Variants in INF2 observed in about 807,000 individuals in gnomAD.
INF2 encodes inverted formin-2.
Under a neutral mutation model 123.5 loss-of-function variants are expected in INF2, and 43 were observed. The ratio of observed to expected loss-of-function variants is 0.35; its 90% CI spans 0.27 to 0.45. The LOEUF is 0.45. Ranked by LOEUF, INF2 falls within the 20% of genes least tolerant of loss-of-function variation. The probability of loss-of-function intolerance (pLI) is 1.00; values close to 1 mark genes in which losing one functional copy is unlikely to be tolerated. For missense variants in INF2, 1,453 were observed against 1,682.7 expected (o/e 0.86, Z 2.39); for synonymous variants, 851 against 745.0 (o/e 1.14, Z -2.32).
chr14:104,714,882 C>A, intron 21 of INF2, 26 bp downstream of exon 21: 1 of 1,503,932 alleles, frequency 6.6e-7, no homozygotes, highest in Non-Finnish European at 8.8e-7. Context: ...GCCCCGGGCA[C>A]CGTCCCACGC....
At chr14:104,701,854 G>A (rs1889523498) in intron 2 of INF2, 98 bp downstream of exon 2, 1 of 1,329,754 alleles carries the variant, frequency 7.5e-7, no homozygotes, top group Non-Finnish European at 9.9e-7. Context: ...GAACCACCAG[G>A]AGGAAGCGCA....
upstream of INF2, chr14:104,689,205 C>T (rs571963961): frequency 6.8e-5 from 67 of 985,258 alleles, no homozygotes; most frequent in Non-Finnish European, 7.7e-5. Flanking sequence ...ACTCCGGATC[C>T]GGCTGGCTGG....
Position 104,699,667 on chromosome 14 carries a change from C to T in INF2, c.-9-1690C>T, listed in dbSNP as rs1013703328. 3.0e-5 allele frequency: 25 copies of T among 837,748 alleles called. No homozygotes were observed. Among genetic ancestry groups the T allele is most frequent in the Non-Finnish European group, 3.4e-5 (24 of 695,680 alleles). The allele number at this position is 837,748 out of a possible 1,614,324, so 51.9% of individuals were successfully genotyped here. A position where few individuals can be genotyped will look rare whatever the true frequency, so the allele number is the denominator to read the frequency against. On this transcript the variant is annotated intron_variant, in intron 1 of 22. Coordinates refer to ENST00000392634, the MANE Select transcript of INF2 (RefSeq NM_022489.4). This position sits in a 1 kb window ranked among gnomAD's most constrained non-coding sequence, Gnocchi z 4.7. ...AGGGTGGCTTAAAACCACAGTGCAC[C>T]GGGGGCTCCGGGCTCTCCGTTCTAC...
At position 104,709,392 on chromosome 14, in the gene INF2, ACCACCCCCACACC is replaced by A; in HGVS notation, c.2052+19_2052+31del. On this transcript the variant is annotated intron_variant, in intron 11 of 22. Transcript: ENST00000392634. ...TTCCCGAGAAGCACGAGGTAAGAGG[ACCACCCCCACACC>A]CCACCCCCAGTTAGTGCCACCAACC... is the stretch of plus-strand genomic sequence containing the variant. 6.3e-7 allele frequency: 1 copy of A among 1,599,172 alleles called. No homozygotes were observed. Among genetic ancestry groups the A allele is most frequent in the Non-Finnish European group, 8.6e-7 (1 of 1,167,460 alleles).
Position 104,708,422 on chromosome 14 carries a change from T to G in INF2, c.1736-14T>G. 1.9e-6 allele frequency: 3 copies of G among 1,610,782 alleles called. No homozygotes were observed. The highest frequency in any genetic ancestry group is 2.5e-6 in the Non-Finnish European group (3 of 1,179,452). ...GGCTGCGAGAGCCTCACTGGCCGTG[T>G]CCCCACCCGACAGAGCACAACTCTA... On this transcript the variant is annotated splice_polypyrimidine_tract_variant and intron_variant, in intron 8 of 22. Coordinates refer to ENST00000392634, the MANE Select transcript of INF2 (RefSeq NM_022489.4).
chr14:104,696,885 T>G (rs999523531), intron 1 of INF2, among the ~76,000 whole-genome samples: 1 of 151,786 alleles, frequency 6.6e-6, no homozygotes, highest in Admixed American at 6.6e-5. Flanking sequence ...CCCAGCCCTG[T>G]GCCAGTGCCA....
At position 104,721,910 on chromosome 14, in the gene INF2, A is replaced by G. The variant is rs1314177844; in HGVS notation, c.*3117A>G. 1 of 152,322 alleles carries G rather than the reference A, an allele frequency of 6.6e-6. No homozygotes were observed. The highest frequency in any genetic ancestry group is 1.5e-5 in the Non-Finnish European group (1 of 68,132). 9.4% of individuals were successfully genotyped at this position (152,322 alleles called of 1,614,324 possible). ...CGAGGCTCCGTGGCTGCACGCGTGT[A>G]TGCAGGTGGCTGTGGGTGTCTGTGT... On this transcript the variant is annotated 3_prime_UTR_variant, in exon 23 of 23. Transcript: ENST00000392634.
In INF2 at chr14:104,684,294, C is replaced by A. The variant is rs1888607902; in HGVS notation, c.-104+2712C>A. On this transcript the variant is annotated intron_variant, in intron 1 of 2. Transcript: ENST00000674723. The surrounding 1 kb of genome is among the most constrained non-coding windows in gnomAD (Gnocchi z 5.0). ...GGAGGTGGACTGCGTCTCCCGAGGG[C>A]CAGCACTGGCTTAGCCTGCTCAGTG... 2 of 378,860 alleles carry A rather than the reference C, an allele frequency of 5.3e-6. No individual in the cohort carries two copies. Among genetic ancestry groups the A allele is most frequent in the African/African-American group, 2.1e-5 (1 of 47,740 alleles). 23.5% of individuals were successfully genotyped at this position (378,860 alleles called of 1,614,324 possible).
intron 1 of INF2, among the ~76,000 whole-genome samples, chr14:104,683,174 T>C (rs1310131263): frequency 2.0e-5 from 1 of 50,318 alleles, no homozygotes; most frequent in African/African-American, 7.0e-5. Flanking sequence ...GGTCTGCGGG[T>C]GGCTGCAATG....
chr14:104,700,816 C>T, intron 1 of INF2: 2 of 985,032 alleles, frequency 2.0e-6, no homozygotes, highest in Non-Finnish European at 2.4e-6. Flanking sequence ...AGTCGCCCCT[C>T]CTCCCCAGCC....
rs768862738 is a variant in INF2, at chr14:104,716,021, C to T, written c.*1+681C>T. 82 of 450,710 alleles carry T rather than the reference C, an allele frequency of 1.8e-4. 1 individual carries two copies. Among genetic ancestry groups the T allele is most frequent in the South Asian group, 7.1e-4 (45 of 63,532 alleles). The allele number at this position is 450,710 out of a possible 1,614,324, so 27.9% of individuals were successfully genotyped here. The stretch of plus-strand genomic sequence containing the variant: ...CAGCCAAAGGTCAATCAGCCAGGTC[C>T]GTCCACAGGGCTGGAGAGGCCAATG... On this transcript the variant is annotated intron_variant, in intron 22 of 22. Transcript: ENST00000392634.
intron 1 of INF2, among the ~76,000 whole-genome samples, 152 bp downstream of exon 1, chr14:104,689,891 C>A (rs1888853070): frequency 6.6e-6 from 1 of 151,872 alleles, no homozygotes; most frequent in Admixed American, 6.6e-5. Context: ...GGGTACAGTT[C>A]CCGGGCGGGG....
Position 104,711,744 on chromosome 14 carries a change from C to G in INF2, c.2489+45C>G, listed in dbSNP as rs559704289. 18 of 1,577,770 alleles carry G rather than the reference C, an allele frequency of 1.1e-5. 1 individual carries two copies. In the South Asian group the frequency reaches 2.0e-4, roughly 18 times the overall value. ...CCGCCCACCTCAGCCAGGTGGGGGC[C>G]TGACTTCTGTCCCCAGGCAGTGAGG... On this transcript the variant is annotated intron_variant, in intron 16 of 22. Transcript: ENST00000392634.
chr14:104,707,118 G>A (rs1010869629), intron 7 of INF2, 67 bp downstream of exon 7: 13 of 1,519,896 alleles, frequency 8.6e-6, no homozygotes, highest in South Asian at 3.6e-5. Context: ...AGACCATGGG[G>A]GGGGGAGCCT....
intron 1 of INF2, 50 bp from the exon 2 acceptor site, chr14:104,701,307 G>A: frequency 6.5e-7 from 1 of 1,531,312 alleles, no homozygotes. Context: ...TGGCCAGGAG[G>A]ACAGCCCCCA....
At chr14:104,705,776 C>T (rs116305615) in intron 5 of INF2, among the ~76,000 whole-genome samples, 132 of 152,352 alleles carry the variant, frequency 8.7e-4, no homozygotes, top group African/African-American at 3.1e-3. Flanking sequence ...ACTCGCCCTT[C>T]CCCTTCCCCA....
At chr14:104,698,273 C>A (rs150768446) in intron 1 of INF2, among the ~76,000 whole-genome samples, 2 of 152,236 alleles carry the variant, frequency 1.3e-5, no homozygotes, top group African/African-American at 4.8e-5. Context: ...CCCATAGCCC[C>A]GTGCCCCTGA....
chr14:104,714,291 G>C lies in INF2; in HGVS notation c.3129G>C (p.Glu1043Asp). 1 of 1,593,044 alleles carries C rather than the reference G, an allele frequency of 6.3e-7. No homozygotes were observed. Among genetic ancestry groups the C allele is most frequent in the Non-Finnish European group, 8.5e-7 (1 of 1,171,136 alleles). ...EPGLDATTAS[E>D]SRGWDLVDAV... ...GCCTTGATGCTACAACAGCCAGCGAGTCCCGGGGCTGGGACCTTGTAGACG... is the reference window on the plus strand; with the variant it reads ...GCCTTGATGCTACAACAGCCAGCGACTCCCGGGGCTGGGACCTTGTAGACG... The change falls in exon 21 of 23, where the codon GAG becomes GAC. Residue 1043 changes from glutamate (E) to aspartate (D), a missense_variant. Glu to Asp is a conservative substitution (Grantham distance 45). Coordinates refer to ENST00000392634, the MANE Select transcript of INF2 (RefSeq NM_022489.4).
upstream of INF2, among the ~76,000 whole-genome samples, chr14:104,687,675 G>C (rs1888699516): frequency 6.6e-6 from 1 of 152,190 alleles, no homozygotes; most frequent in Admixed American, 6.5e-5. The surrounding 1 kb of genome is among the most constrained non-coding windows in gnomAD (Gnocchi z 5.6). Context: ...GTGCAAGGGA[G>C]ACAGCCCCAG....
Sources: allele counts gnomAD v4.1 joint callset (sites outside exome capture counted in the v4.1 genomes callset), GRCh38; gene constraint gnomAD v4.1.1; non-coding constraint Gnocchi (gnomAD v3.1); transcripts MANE v1.5; gene names NCBI Gene and HGNC (gene_info 2026-07-23, HGNC 2026-07-21).